GOLIM4: variants seen among roughly 807,000 people sequenced by gnomAD.
GOLIM4 encodes the protein 130 kDa golgi-localized phosphoprotein.
Under a neutral mutation model 107.4 loss-of-function variants are expected in GOLIM4, and 71 were observed. The ratio of observed to expected loss-of-function variants is 0.66; its 90% CI spans 0.55 to 0.81. The LOEUF is 0.81. GOLIM4 is among the 30% of genes least tolerant of loss of function. The pLI, the probability that GOLIM4 is intolerant of heterozygous loss-of-function variation, is 0.00. For missense variants in GOLIM4, 830 were observed against 826.1 expected, an observed-to-expected ratio of 1.00 and a Z score of -0.06; for synonymous variants, 327 against 294.8, an observed-to-expected ratio of 1.11 and a Z score of -1.12.
chr3:168,095,443 TCAGCCCCCGCGCGGCGCGGGGCGCG>T lies in GOLIM4; in HGVS notation c.-183_-159del. On this transcript the variant is annotated 5_prime_UTR_variant, in exon 1 of 16. An upstream open reading frame in the 5' UTR loses its in-frame stop. Transcript: ENST00000470487. ...GGCCCGGAGGGGAAGTGGCGCCCGC[TCAGCCCCCGCGCGGCGCGGGGCGCG>T]CAGCCATCGACGCCGCCCGGGCAGC... The T allele has an allele frequency of 1.7e-6, 1 of 571,496 alleles. No individual in the cohort carries two copies. The highest frequency in any genetic ancestry group is 3.5e-5 in the East Asian group (1 of 28,746). The allele number at this position is 571,496 out of a possible 1,614,324, so 35.4% of individuals were successfully genotyped here.
chr3:168,048,071 A>C (rs369074522), intron 2 of GOLIM4, among the ~76,000 whole-genome samples: 1 of 152,196 alleles, frequency 6.6e-6, no homozygotes, highest in East Asian at 1.9e-4. Flanking sequence ...GAGCTATCAC[A>C]AGGTGGCATA....
intron 1 of GOLIM4, among the ~76,000 whole-genome samples, chr3:168,053,954 G>A (rs1011381805): frequency 6.6e-6 from 1 of 152,154 alleles, no homozygotes; most frequent in Non-Finnish European, 1.5e-5. Flanking sequence ...GGCTGACACA[G>A]GACTCTCCCT....
intron 1 of GOLIM4, among the ~76,000 whole-genome samples, chr3:168,073,563 GTCCT>G (rs1720935285): frequency 6.6e-6 from 1 of 152,096 alleles, no homozygotes; most frequent in Non-Finnish European, 1.5e-5. Context: ...TGTATTAAAG[GTCCT>G]TACAATCGCA....
rs773899377 is a variant in GOLIM4, at chr3:168,040,870, C to G, written c.601-1G>C. The G allele has an allele frequency of 1.9e-6, 3 of 1,605,138 alleles. No individual in the cohort carries two copies. The East Asian group carries it at 6.7e-5, about 36-fold the overall frequency. On this transcript the variant is annotated splice_acceptor_variant, in intron 6 of 15. Transcript: ENST00000470487. LOFTEE classifies it high-confidence loss of function. ...CGGAGAGTAAATTCTTATGCTGTTG[C>G]TACACAAAAAAGAATTTTACATGTT...
At chr3:168,011,597 A>G (rs2108203708) in intron 14 of GOLIM4, among the ~76,000 whole-genome samples, 1 of 151,934 alleles carries the variant, frequency 6.6e-6, no homozygotes, top group Admixed American at 6.5e-5. Flanking sequence ...GGCAGGGCAC[A>G]GACAAACAAA....
intron 14 of GOLIM4, among the ~76,000 whole-genome samples, chr3:168,013,919 T>G (rs1717212612): frequency 6.6e-6 from 1 of 151,198 alleles, no homozygotes; most frequent in Non-Finnish European, 1.5e-5. Flanking sequence ...TAGCACTGAA[T>G]GCCCACAAGA....
At chr3:168,056,893 T>C (rs1193818089) in intron 1 of GOLIM4, among the ~76,000 whole-genome samples, 3 of 152,192 alleles carry the variant, frequency 2.0e-5, no homozygotes, top group African/African-American at 7.2e-5. Flanking sequence ...GAGTTAATGC[T>C]GAAATGAGAT....
Position 168,032,726 on chromosome 3 carries a change from C to G in GOLIM4, c.970G>C (p.Glu324Gln). ...FQAPPEPIQQ[E>Q]VERREPEEHQ... The stretch of plus-strand genomic sequence containing the variant: ...TCCTCAGGTTCTCTGCGTTCCACTT[C>G]TTGTTGGATTGGCTCTGGGGGAGCC... Residue 324 changes from glutamate to glutamine, a missense_variant, in exon 9 of 16, where the codon GAA (glutamate) becomes CAA (glutamine). Physicochemically the swap from Glu to Gln is conservative, Grantham distance 29. Transcript: ENST00000470487. The G allele has an allele frequency of 6.2e-7, 1 of 1,614,090 alleles. No individual in the cohort carries two copies. Among genetic ancestry groups the G allele is most frequent in the Non-Finnish European group, 8.5e-7 (1 of 1,180,032 alleles).
chr3:168,013,672 GA>G (rs1247982589), intron 14 of GOLIM4, among the ~76,000 whole-genome samples: 5 of 151,756 alleles, frequency 3.3e-5, no homozygotes, highest in African/African-American at 1.2e-4. Flanking sequence ...TAAAAGAACA[GA>G]AATTATAACA....
chr3:168,012,818 C>A (rs867849989), intron 14 of GOLIM4, among the ~76,000 whole-genome samples: 6,508 of 151,942 alleles, frequency 0.043, 180 homozygotes, highest in Non-Finnish European at 0.069. Flanking sequence ...GAAATAAAAT[C>A]CTTTACAGAC....
chr3:168,078,679 T>C (rs986701088), intron 1 of GOLIM4, among the ~76,000 whole-genome samples: 1 of 152,200 alleles, frequency 6.6e-6, no homozygotes, highest in Non-Finnish European at 1.5e-5. Flanking sequence ...AACCAGGGTT[T>C]TGTTAACTTG....
chr3:168,088,194 G>A (rs561716070), intron 1 of GOLIM4, among the ~76,000 whole-genome samples: 2 of 152,146 alleles, frequency 1.3e-5, no homozygotes, highest in East Asian at 3.9e-4. Flanking sequence ...TCCACCCCAA[G>A]AACGGCTCAA....
chr3:168,046,226 T>TA (rs1719294882), intron 3 of GOLIM4, among the ~76,000 whole-genome samples: 1 of 152,232 alleles, frequency 6.6e-6, no homozygotes. Flanking sequence ...AATGCTTATA[T>TA]ACTTTTCTTA....
chr3:168,026,004 T>C (rs539800477), intron 12 of GOLIM4, among the ~76,000 whole-genome samples: 2 of 152,334 alleles, frequency 1.3e-5, no homozygotes, highest in East Asian at 3.9e-4. Context: ...TACTAAGCTG[T>C]AAATGCTTCT....
intron 8 of GOLIM4, among the ~76,000 whole-genome samples, chr3:168,035,817 C>A (rs1289676274): frequency 6.6e-6 from 1 of 151,670 alleles, no homozygotes; most frequent in African/African-American, 2.4e-5. Flanking sequence ...AGAAAGATAA[C>A]CATATTGCCT....
At chr3:168,039,263 A>ATT (rs1560082462) in intron 7 of GOLIM4, among the ~76,000 whole-genome samples, 1 of 144,934 alleles carries the variant, frequency 6.9e-6, no homozygotes, top group African/African-American at 2.6e-5. Flanking sequence ...AGAAAAAAAA[A>ATT]ATTTTTTTTT....
intron 1 of GOLIM4, among the ~76,000 whole-genome samples, chr3:168,054,883 C>T (rs1719858556): frequency 6.6e-6 from 1 of 152,128 alleles, no homozygotes; most frequent in Middle Eastern, 3.4e-3. Context: ...CTGTACTGTT[C>T]TCATGAGAGT....
chr3:168,018,538 T>C (rs58860249), intron 14 of GOLIM4, among the ~76,000 whole-genome samples: 31,475 of 152,196 alleles, frequency 0.21, 7,407 homozygotes, highest in African/African-American at 0.58. Context: ...GTATTCATAT[T>C]TCCTGGTGGA....
chr3:168,045,079 G>A (rs1719224405), intron 3 of GOLIM4, among the ~76,000 whole-genome samples, 198 bp from the exon 4 acceptor site: 1 of 152,184 alleles, frequency 6.6e-6, no homozygotes, highest in African/African-American at 2.4e-5. Context: ...TAGTTTGCTA[G>A]ATTTTAGAGT....
Sources: gnomAD v4.1 joint callset for allele counts (sites outside exome capture counted in the v4.1 genomes callset) on GRCh38, gnomAD v4.1.1 for gene constraint, MANE v1.5 for transcripts, NCBI Gene and HGNC (gene_info 2026-07-23, HGNC 2026-07-21) for gene names.